The following THADA variants were observed in gnomAD, a reference collection of about 807,000 sequenced individuals.
The protein encoded by THADA is tRNA (32-2'-O)-methyltransferase regulator THADA.
A neutral mutation model predicts 219.8 loss-of-function variants in THADA; 213 were observed. The observed-to-expected ratio is 0.97, with a 90% confidence interval of 0.87 to 1.09. The LOEUF (loss-of-function observed/expected upper bound fraction) is 1.09. THADA is among the 50% of genes least tolerant of loss of function. The probability of loss-of-function intolerance (pLI) is 0.00; values close to 1 mark genes in which losing one functional copy is unlikely to be tolerated. For missense variants in THADA, 2,956 were observed against 2,311.3 expected (o/e 1.28, Z -5.72); for synonymous variants, 1,018 against 828.9 (o/e 1.23, Z -3.92).
At chr2:43,535,675 CAAAAAAAAAA>C (rs1177702416) in intron 21 of THADA, among the ~76,000 whole-genome samples, 1 of 30,354 alleles carries the variant, frequency 3.3e-5, no homozygotes, top group African/African-American at 1.2e-4. Context: ...CAGCGAGACT[CAAAAAAAAAA>C]AAAAAAAAAA....
chr2:43,352,573 T>C (rs1355482877), intron 29 of THADA, among the ~76,000 whole-genome samples: 2 of 151,542 alleles, frequency 1.3e-5, no homozygotes, highest in Non-Finnish European at 2.9e-5. Flanking sequence ...ATAATAATAA[T>C]AAAAAAATGC....
At chr2:43,582,932 T>G (rs1700613477) in intron 7 of THADA, among the ~76,000 whole-genome samples, 2 of 152,098 alleles carry the variant, frequency 1.3e-5, no homozygotes, top group South Asian at 4.1e-4. Flanking sequence ...GCACTCCTTC[T>G]CGGATACCTT....
chr2:43,264,792 C>T (rs538050725), intron 36 of THADA, among the ~76,000 whole-genome samples: 10 of 152,262 alleles, frequency 6.6e-5, no homozygotes, highest in African/African-American at 2.4e-4. Flanking sequence ...GAGAAGAACA[C>T]AGGAAGGTCA....
chr2:43,542,436 T>C (rs1241302603), intron 20 of THADA, among the ~76,000 whole-genome samples: 1 of 152,212 alleles, frequency 6.6e-6, no homozygotes, highest in Non-Finnish European at 1.5e-5. Context: ...AATTTAAGTG[T>C]GGAGATAATT....
chr2:43,532,146 T>A (rs1481537334), intron 21 of THADA, among the ~76,000 whole-genome samples: 1 of 151,922 alleles, frequency 6.6e-6, no homozygotes, highest in Non-Finnish European at 1.5e-5. Flanking sequence ...GCACGGTGGC[T>A]CATGCCTGTA....
intron 19 of THADA, among the ~76,000 whole-genome samples, chr2:43,550,960 A>T (rs1272175252): frequency 6.6e-6 from 1 of 152,232 alleles, no homozygotes; most frequent in Non-Finnish European, 1.5e-5. Flanking sequence ...ACCAAAAAAA[A>T]ATTAATTAAA....
At chr2:43,245,284 T>G (rs1301684478) in intron 36 of THADA, among the ~76,000 whole-genome samples, 3 of 150,432 alleles carry the variant, frequency 2.0e-5, no homozygotes, top group African/African-American at 7.4e-5. Flanking sequence ...GCGATTCTCC[T>G]GCCTCAGCCT....
At chr2:43,296,495 C>G (rs1441903765) in intron 31 of THADA, among the ~76,000 whole-genome samples, 1 of 151,788 alleles carries the variant, frequency 6.6e-6, no homozygotes, top group Non-Finnish European at 1.5e-5. Context: ...AGGCTGGTCT[C>G]AAACTCCTGA....
chr2:43,356,150 G>A (rs768551399), intron 29 of THADA, among the ~76,000 whole-genome samples: 7 of 152,164 alleles, frequency 4.6e-5, no homozygotes, highest in Non-Finnish European at 8.8e-5. Flanking sequence ...CTAAGTAGAT[G>A]ATAAAGGTGA....
chr2:43,530,519 G>C (rs1267086350), intron 21 of THADA, among the ~76,000 whole-genome samples: 1 of 152,160 alleles, frequency 6.6e-6, no homozygotes, highest in Non-Finnish European at 1.5e-5. Flanking sequence ...TCGATTATTA[G>C]AGAAACAAGA....
At chr2:43,454,837 G>A (rs1573732345) in intron 26 of THADA, among the ~76,000 whole-genome samples, 1 of 152,210 alleles carries the variant, frequency 6.6e-6, no homozygotes, top group Admixed American at 6.5e-5. Flanking sequence ...CGAATAAGAA[G>A]CAAATCATAT....
chr2:43,481,043 C>G (rs754355407), intron 26 of THADA, among the ~76,000 whole-genome samples: 10 of 152,142 alleles, frequency 6.6e-5, no homozygotes, highest in African/African-American at 2.4e-4. Context: ...CAAACAATAG[C>G]GTGGGTAACC....
chr2:43,284,465 G>A (rs1353274058), intron 35 of THADA, among the ~76,000 whole-genome samples: 3 of 152,188 alleles, frequency 2.0e-5, no homozygotes, highest in Non-Finnish European at 4.4e-5. Context: ...GCTTTCATGT[G>A]GTGTTGGGCC....
At chr2:43,558,430 G>A (rs1006743932) in intron 16 of THADA, among the ~76,000 whole-genome samples, 2 of 152,142 alleles carry the variant, frequency 1.3e-5, no homozygotes, top group Non-Finnish European at 2.9e-5. Flanking sequence ...TTGTTCCTGT[G>A]TGTGTCTGTG....
intron 29 of THADA, among the ~76,000 whole-genome samples, chr2:43,362,217 A>C (rs1669604869): frequency 6.6e-6 from 1 of 152,244 alleles, no homozygotes; most frequent in Admixed American, 6.5e-5. Context: ...TAGTCTCACA[A>C]AATAGATATC....
chr2:43,444,078 T>C (rs538054406), intron 26 of THADA, among the ~76,000 whole-genome samples: 30 of 152,334 alleles, frequency 2.0e-4, no homozygotes, highest in South Asian at 8.3e-4. Context: ...TCTAGCACTA[T>C]ATGGTTATTG....
chr2:43,501,306 CCAAAAAAAA>C (rs1213611782), intron 24 of THADA, among the ~76,000 whole-genome samples: 4 of 12,278 alleles, frequency 3.3e-4, no homozygotes, highest in African/African-American at 1.1e-3. Context: ...AACTCCAACT[CCAAAAAAAA>C]AAAAAAAAAA....
intron 34 of THADA, among the ~76,000 whole-genome samples, chr2:43,290,794 C>T (rs1674604940): frequency 6.6e-6 from 1 of 151,708 alleles, no homozygotes; most frequent in African/African-American, 2.4e-5. Context: ...ACTTGTGATT[C>T]TGTGAGGGTG....
chr2:43,390,757 T>A (rs749087630), intron 29 of THADA, among the ~76,000 whole-genome samples: 2 of 152,250 alleles, frequency 1.3e-5, no homozygotes, highest in Non-Finnish European at 2.9e-5. Flanking sequence ...AGGGCAAGGA[T>A]GTGTCTCTTC....
Sources: gnomAD v4.1 joint callset for allele counts (sites outside exome capture counted in the v4.1 genomes callset) on GRCh38, gnomAD v4.1.1 for gene constraint, MANE v1.5 for transcripts, NCBI Gene and HGNC (gene_info 2026-07-23, HGNC 2026-07-21) for gene names.